Variants in EXOC2 observed in about 807,000 individuals in gnomAD.
The protein encoded by EXOC2 is SEC5-like 1.
Under a neutral mutation model 131.8 loss-of-function variants are expected in EXOC2, and 70 were observed. The ratio of observed to expected loss-of-function variants is 0.53; its 90% CI spans 0.44 to 0.65. The LOEUF (loss-of-function observed/expected upper bound fraction) is 0.65. EXOC2 is among the 30% of genes least tolerant of loss of function. The pLI is 0.00. For synonymous variants in EXOC2, 411 were observed against 398.4 expected, an observed-to-expected ratio of 1.03 and a Z score of -0.38; for missense variants, 923 against 1,108.6, an observed-to-expected ratio of 0.83 and a Z score of 2.38.
rs201117840 is a variant in EXOC2, at chr6:656,546, G to A, written c.-43-18685C>T. The A allele has an allele frequency of 1.1e-4, 169 of 1,600,032 alleles. 1 individual carries two copies. Among genetic ancestry groups the A allele is most frequent in the Admixed American group, 1.5e-4 (9 of 59,568 alleles). Reference sequence around the variant, plus strand: ...ACACTCTCCTGGGAAGCACCCGCACGGGCAGATCGTGCACCACGCTGCGAG... The same window carrying A: ...ACACTCTCCTGGGAAGCACCCGCACAGGCAGATCGTGCACCACGCTGCGAG... On this transcript the variant is annotated intron_variant, in intron 1 of 27. Transcript: ENST00000230449.
chr6:566,718 C>T (rs1334519512), intron 13 of EXOC2, among the ~76,000 whole-genome samples: 9 of 152,114 alleles, frequency 5.9e-5, no homozygotes, highest in Admixed American at 5.9e-4. Context: ...TCTATACCGT[C>T]TAGTTTGTTC....
At chr6:663,897 T>C (rs1763522924) in intron 1 of EXOC2, among the ~76,000 whole-genome samples, 1 of 152,150 alleles carries the variant, frequency 6.6e-6, no homozygotes, top group Admixed American at 6.5e-5. Flanking sequence ...ATGCCCACTC[T>C]CACCACTCCT....
At chr6:579,946 T>C (rs1758794197) in intron 11 of EXOC2, among the ~76,000 whole-genome samples, 1 of 152,112 alleles carries the variant, frequency 6.6e-6, no homozygotes, top group Non-Finnish European at 1.5e-5. Context: ...ATATTTCACA[T>C]ATCAGTCTAT....
At chr6:630,168 A>G (rs1761773410) in intron 3 of EXOC2, among the ~76,000 whole-genome samples, 1 of 152,210 alleles carries the variant, frequency 6.6e-6, no homozygotes, top group East Asian at 1.9e-4. Flanking sequence ...AAAGGCAAAA[A>G]TTACACCTCT....
chr6:626,883 A>G (rs1761601610), intron 4 of EXOC2, among the ~76,000 whole-genome samples: 1 of 152,240 alleles, frequency 6.6e-6, no homozygotes, highest in African/African-American at 2.4e-5. Flanking sequence ...GTGAGCCACC[A>G]CGCCCGGCCG....
rs370922650 is a variant in EXOC2 at position 488,050 on chromosome 6, G to GAAGA, written c.2681+925_2681+928dup. Among the ~76,000 whole-genome samples, 79 of 152,360 alleles carry GAAGA rather than the reference G, an allele frequency of 5.2e-4. 1 individual carries two copies. Among genetic ancestry groups the GAAGA allele is most frequent in the African/African-American group, 1.8e-3 (73 of 41,586 alleles). Reference sequence around the variant, plus strand: ...AAGTTAGAGAAGCAGCAAGAAAAAGGAAGAAAGGGCTGATTGTGCAGGCAC... The same window carrying GAAGA: ...AAGTTAGAGAAGCAGCAAGAAAAAGGAAGAAAGAAAGGGCTGATTGTGCAGGCAC... On this transcript the variant is annotated intron_variant, in intron 27 of 27. Coordinates refer to ENST00000230449, the MANE Select transcript of EXOC2 (RefSeq NM_018303.6).
intron 2 of EXOC2, among the ~76,000 whole-genome samples, chr6:635,833 C>T (rs939352181): frequency 5.3e-5 from 8 of 152,246 alleles, no homozygotes; most frequent in Non-Finnish European, 8.8e-5. Flanking sequence ...GAGACCGAGG[C>T]AGGCGGATCA....
At chr6:490,150 G>C (rs946213395) in intron 26 of EXOC2, among the ~76,000 whole-genome samples, 1 of 151,962 alleles carries the variant, frequency 6.6e-6, no homozygotes. Context: ...CATATTATTG[G>C]CAGGGTACTG....
intron 7 of EXOC2, among the ~76,000 whole-genome samples, chr6:599,984 T>G (rs1178723404): frequency 6.6e-6 from 1 of 152,194 alleles, no homozygotes; most frequent in Non-Finnish European, 1.5e-5. Flanking sequence ...TTAGTTTTAA[T>G]TCCACAACGA....
intron 1 of EXOC2, among the ~76,000 whole-genome samples, chr6:685,144 A>T (rs2127807739): frequency 6.6e-6 from 1 of 151,944 alleles, no homozygotes; most frequent in East Asian, 1.9e-4. Flanking sequence ...ACACACACAC[A>T]CACACACAAC....
intron 13 of EXOC2, among the ~76,000 whole-genome samples, chr6:566,461 A>G (rs1007416186): frequency 6.6e-6 from 1 of 152,178 alleles, no homozygotes; most frequent in African/African-American, 2.4e-5. Flanking sequence ...TGCTGCAGTG[A>G]GGAAGGAGGC....
intron 1 of EXOC2, among the ~76,000 whole-genome samples, chr6:655,107 C>T (rs1246357713): frequency 2.0e-5 from 3 of 152,130 alleles, no homozygotes; most frequent in Non-Finnish European, 4.4e-5. Flanking sequence ...GCATCCCATG[C>T]TAAAGAGAAA....
At chr6:579,598 A>G (rs886841876) in intron 11 of EXOC2, among the ~76,000 whole-genome samples, 2 of 152,364 alleles carry the variant, frequency 1.3e-5, no homozygotes, top group Admixed American at 6.5e-5. Flanking sequence ...AGTGGGTACT[A>G]GCTTAGAAAT....
chr6:524,064 G>A (rs1277074985), intron 23 of EXOC2: 5 of 152,232 alleles, frequency 3.3e-5, no homozygotes, highest in African/African-American at 1.2e-4. Context: ...GTTAAACAGA[G>A]GGGGTAGCTC....
chr6:591,253 T>C (rs1581508422), intron 11 of EXOC2, among the ~76,000 whole-genome samples: 1 of 152,240 alleles, frequency 6.6e-6, no homozygotes, highest in East Asian at 1.9e-4. Context: ...TCTGAGCTTG[T>C]CTTCCCCCAA....
intron 25 of EXOC2, among the ~76,000 whole-genome samples, chr6:495,254 T>G (rs995468863): frequency 4.6e-5 from 7 of 151,602 alleles, no homozygotes; most frequent in African/African-American, 9.7e-5. Context: ...GCCTCCCGAG[T>G]AGCTGGGACT....
At chr6:584,595 C>T (rs1759097261) in intron 11 of EXOC2, among the ~76,000 whole-genome samples, 2 of 152,202 alleles carry the variant, frequency 1.3e-5, no homozygotes, top group Admixed American at 6.5e-5. Flanking sequence ...TCTATAATAG[C>T]TCCACCACTG....
chr6:679,889 T>C (rs910339690), intron 1 of EXOC2, among the ~76,000 whole-genome samples: 1 of 152,228 alleles, frequency 6.6e-6, no homozygotes, highest in Non-Finnish European at 1.5e-5. Context: ...AAGGAAGTAT[T>C]CTAAAATGCC....
intron 1 of EXOC2, among the ~76,000 whole-genome samples, chr6:687,783 C>G (rs962077063): frequency 6.6e-6 from 1 of 152,150 alleles, no homozygotes; most frequent in South Asian, 2.1e-4. Context: ...CCAGACAGCA[C>G]TGGGATGGGT....
Sources: gnomAD v4.1 joint callset for allele counts (sites outside exome capture counted in the v4.1 genomes callset) on GRCh38, gnomAD v4.1.1 for gene constraint, MANE v1.5 for transcripts, NCBI Gene and HGNC (gene_info 2026-07-23, HGNC 2026-07-21) for gene names.